CLIC5: variants seen among roughly 807,000 people sequenced by gnomAD.
The protein encoded by CLIC5 is chloride intracellular channel protein 5.
A neutral mutation model predicts 24.7 loss-of-function variants in CLIC5; 20 were observed. The observed-to-expected ratio is 0.81, with a 90% CI of 0.57 to 1.18. CLIC5 has a LOEUF of 1.18. Among genes scored for constraint, CLIC5 ranks in the 50% most tolerant of loss-of-function variants. The pLI is 0.00. For missense variants in CLIC5, 341 were observed against 326.1 expected, an observed-to-expected ratio of 1.05 and a Z score of -0.35; for synonymous variants, 159 against 135.6, an observed-to-expected ratio of 1.17 and a Z score of -1.20.
intron 1 of CLIC5, among the ~76,000 whole-genome samples, chr6:45,995,422 A>T (rs1319550640): frequency 6.6e-6 from 1 of 152,230 alleles, no homozygotes; most frequent in African/African-American, 2.4e-5. Flanking sequence ...GTAACAGAAG[A>T]GGGGATGGAG....
chr6:46,125,342 C>G, the CLIC5 span, among the ~76,000 whole-genome samples: 3 of 152,038 alleles, frequency 2.0e-5, no homozygotes, highest in Non-Finnish European at 4.4e-5. Flanking sequence ...AACCAAACAC[C>G]GCATGTTCTC....
At chr6:45,973,905 G>A (rs1378720471) in intron 1 of CLIC5, among the ~76,000 whole-genome samples, 1 of 149,556 alleles carries the variant, frequency 6.7e-6, no homozygotes, top group Non-Finnish European at 1.5e-5. Flanking sequence ...ACTCCAGCCT[G>A]GCAACAGAGC....
intron 1 of CLIC5, among the ~76,000 whole-genome samples, chr6:45,966,794 T>C (rs1765029074): frequency 6.6e-6 from 1 of 152,236 alleles, no homozygotes; most frequent in Admixed American, 6.5e-5. Flanking sequence ...TTTTGAGTTG[T>C]TCAGGGCATG....
At chr6:46,115,954 A>G in the CLIC5 span, among the ~76,000 whole-genome samples, 6 of 152,226 alleles carry the variant, frequency 3.9e-5, no homozygotes, top group East Asian at 1.2e-3. Flanking sequence ...CAAATGTAAA[A>G]TTACCTGGAA....
rs114865253 is a variant in CLIC5, at chr6:45,887,042, C to G, written c.624-5854G>C. On this transcript the variant is annotated intron_variant, in intron 6 of 6. Coordinates refer to the CLIC5 transcript ENST00000644324. ...CAGAATGCTAAAATCCCACCTTTGA[C>G]GCAGCAGACAGTCTCTCTGATGATA... Among the ~76,000 whole-genome samples, 1,436 of 152,270 alleles carry G rather than the reference C, an allele frequency of 9.4e-3. 26 individuals carry two copies. The highest frequency in any genetic ancestry group is 0.032 in the African/African-American group (1,331 of 41,556).
chr6:46,025,794 A>G (rs1483735520), intron 1 of CLIC5, among the ~76,000 whole-genome samples: 1 of 152,094 alleles, frequency 6.6e-6, no homozygotes, highest in Non-Finnish European at 1.5e-5. Flanking sequence ...GATCATGAGG[A>G]CGAATTTCCC....
intron 6 of CLIC5, among the ~76,000 whole-genome samples, chr6:45,881,763 C>T (rs1025258672): frequency 6.6e-5 from 10 of 152,084 alleles, no homozygotes; most frequent in African/African-American, 2.2e-4. Flanking sequence ...GACTTTGGTG[C>T]CCTTTTAAAT....
chr6:45,986,398 G>A (rs1313941634), intron 1 of CLIC5, among the ~76,000 whole-genome samples: 1 of 152,170 alleles, frequency 6.6e-6, no homozygotes, highest in Non-Finnish European at 1.5e-5. Flanking sequence ...CCAATGATTA[G>A]CTGTGTGACC....
At chr6:45,971,123 T>C (rs1226820935) in intron 1 of CLIC5, among the ~76,000 whole-genome samples, 1 of 152,192 alleles carries the variant, frequency 6.6e-6, no homozygotes, top group Non-Finnish European at 1.5e-5. Flanking sequence ...TCTTGGGGCA[T>C]TCAAATTCAC....
intron 1 of CLIC5, among the ~76,000 whole-genome samples, chr6:46,007,284 T>C (rs1024882378): frequency 6.6e-6 from 1 of 152,240 alleles, no homozygotes. Flanking sequence ...AGTTTGTCTG[T>C]ACTCTTCAAT....
At chr6:46,115,540 T>C in the CLIC5 span, among the ~76,000 whole-genome samples, 1 of 152,202 alleles carries the variant, frequency 6.6e-6, no homozygotes, top group Non-Finnish European at 1.5e-5. Flanking sequence ...GTTACACTAA[T>C]TAAAACTTTC....
intron 1 of CLIC5, among the ~76,000 whole-genome samples, chr6:45,979,652 A>G (rs913025267): frequency 6.6e-6 from 1 of 152,242 alleles, no homozygotes; most frequent in Non-Finnish European, 1.5e-5. Flanking sequence ...TACAGTTACT[A>G]GATGAAATAA....
chr6:45,970,546 C>A (rs1765166036), intron 1 of CLIC5, among the ~76,000 whole-genome samples: 1 of 152,150 alleles, frequency 6.6e-6, no homozygotes, highest in African/African-American at 2.4e-5. Context: ...AAAAAATAAA[C>A]CTACCCAGTA....
intron 1 of CLIC5, among the ~76,000 whole-genome samples, chr6:46,052,359 T>C (rs1768127869): frequency 6.6e-6 from 1 of 152,298 alleles, no homozygotes; most frequent in South Asian, 2.1e-4. Context: ...TATCCTGAGA[T>C]CCTGCTGAAA....
At chr6:46,116,652 G>T in the CLIC5 span, among the ~76,000 whole-genome samples, 3 of 152,146 alleles carry the variant, frequency 2.0e-5, no homozygotes, top group Admixed American at 1.3e-4. Context: ...CAAGCTCTGG[G>T]GGAATGTATG....
chr6:45,988,285 C>G (rs1448845105), intron 1 of CLIC5, among the ~76,000 whole-genome samples: 2 of 152,216 alleles, frequency 1.3e-5, no homozygotes, highest in Non-Finnish European at 2.9e-5. Context: ...ATCTTAAGGT[C>G]TGAGAATAGT....
Position 45,980,003 on chromosome 6 carries a change from G to C in CLIC5, c.64-24759C>G, listed in dbSNP as rs577742875. Among the ~76,000 whole-genome samples the C allele has an allele frequency of 2.0e-5, 2 of 99,492 alleles. 1 individual carries two copies. The highest frequency in any genetic ancestry group is 7.2e-4 in the South Asian group (2 of 2,776). The allele number at this position is 99,492 out of a possible 152,430, so 65.3% of individuals were successfully genotyped here. On this transcript the variant is annotated intron_variant, in intron 1 of 5. Coordinates refer to ENST00000339561, the MANE Select transcript of CLIC5 (RefSeq NM_016929.5). The stretch of plus-strand genomic sequence containing the variant: ...TTGATGTCTAGAATGGCATTTCCTA[G>C]GTTTTCTTCTAGGAATTTTATAGTT...
At chr6:45,894,769 G>C (rs1028140669), downstream of CLIC5, among the ~76,000 whole-genome samples, 1 of 152,178 alleles carries the variant, frequency 6.6e-6, no homozygotes, top group African/African-American at 2.4e-5. Context: ...CAGAAAACGG[G>C]CTGGGATTGG....
chr6:46,015,544 C>A lies in CLIC5; in HGVS notation c.-2G>T, dbSNP rs1285120680. 6.4e-7 allele frequency: 1 copy of A among 1,571,206 alleles called. No individual in the cohort carries two copies. The highest frequency in any genetic ancestry group is 8.6e-7 in the Non-Finnish European group (1 of 1,160,078). The stretch of plus-strand genomic sequence containing the variant: ...GTTAGCTGTCGCCGAGTCTGTCATG[C>A]CGTTGGCGCCCGGGGCTACCGTCCC... On this transcript the variant is annotated 5_prime_UTR_variant, in exon 1 of 6. Coordinates refer to ENST00000339561, the MANE Select transcript of CLIC5 (RefSeq NM_016929.5).
Sources: allele counts gnomAD v4.1 joint callset (sites outside exome capture counted in the v4.1 genomes callset), GRCh38; gene constraint gnomAD v4.1.1; transcripts MANE v1.5; gene names NCBI Gene and HGNC (gene_info 2026-07-23, HGNC 2026-07-21).